ZC3H12B: variants seen among roughly 807,000 people sequenced by gnomAD.
ZC3H12B encodes probable ribonuclease ZC3H12B.
A neutral mutation model predicts 43.9 loss-of-function variants in ZC3H12B; 7 were observed. The ratio of observed to expected loss-of-function variants is 0.16; its 90% CI spans 0.09 to 0.30. The LOEUF (loss-of-function observed/expected upper bound fraction) is 0.30. ZC3H12B is among the 10% of genes least tolerant of loss of function. The pLI is 1.00. For missense variants in ZC3H12B, 475 were observed against 670.2 expected, an observed-to-expected ratio of 0.71 and a Z score of 3.22; for synonymous variants, 222 against 241.7, an observed-to-expected ratio of 0.92 and a Z score of 0.76.
intron 3 of ZC3H12B, chrX:65,468,972 C>T (rs1004710903): frequency 9.1e-6 from 1 of 110,091 alleles, no homozygotes; most frequent in African/African-American, 3.3e-5. Context: ...CCAATACCCC[C>T]TAAGCCAGGT....
chrX:65,393,723 G>T (rs1248686304), intron 2 of ZC3H12B, among the ~76,000 whole-genome samples: 3 of 112,138 alleles, frequency 2.7e-5, no homozygotes, highest in East Asian at 5.6e-4. Flanking sequence ...CCAGTAATGG[G>T]ATTGCTGGGT....
At chrX:65,324,554 A>G in the ZC3H12B span, among the ~76,000 whole-genome samples, 1 of 109,430 alleles carries the variant, frequency 9.1e-6, no homozygotes, top group Non-Finnish European at 1.9e-5. Flanking sequence ...TTTTTTATTG[A>G]CTCCTTGGTT....
chrX:65,322,250 C>T, the ZC3H12B span, among the ~76,000 whole-genome samples: 2 of 111,456 alleles, frequency 1.8e-5, no homozygotes. Flanking sequence ...CAAGAACTCA[C>T]CCACCATCCC....
the ZC3H12B span, among the ~76,000 whole-genome samples, chrX:65,080,692 TAATC>T: frequency 4.5e-5 from 5 of 111,803 alleles, no homozygotes; most frequent in Admixed American, 9.5e-5. Context: ...CTAAGGGATT[TAATC>T]AATAACAGAC....
chrX:65,499,901 T>C (rs1486478998), exon 4 of ZC3H12B: 1 of 1,208,714 alleles, frequency 8.3e-7, no homozygotes, highest in Non-Finnish European at 1.1e-6. Flanking sequence ...CTCCAGATGA[T>C]CCATTAGGAC....
At chrX:65,212,287 A>T in the ZC3H12B span, among the ~76,000 whole-genome samples, 2 of 49,868 alleles carry the variant, frequency 4.0e-5, no homozygotes, top group African/African-American at 8.0e-5. Context: ...ATATAATTAT[A>T]ATATATTATA....
At chrX:65,477,201 T>C (rs917602160) in intron 3 of ZC3H12B, among the ~76,000 whole-genome samples, 1 of 109,167 alleles carries the variant, frequency 9.2e-6, no homozygotes, top group African/African-American at 3.3e-5. Flanking sequence ...AGCAAGGGCA[T>C]GGAAGTCTCT....
chrX:65,157,181 A>G, the ZC3H12B span, among the ~76,000 whole-genome samples: 1 of 110,667 alleles, frequency 9.0e-6, no homozygotes, highest in African/African-American at 3.3e-5. Flanking sequence ...GAGTTTTGCC[A>G]TGTTCCCCAG....
chrX:65,343,015 C>G, the ZC3H12B span, among the ~76,000 whole-genome samples: 1 of 110,598 alleles, frequency 9.0e-6, no homozygotes, highest in Admixed American at 9.6e-5. Flanking sequence ...ATACAAATAA[C>G]CATCAGAGAA....
intron 3 of ZC3H12B, among the ~76,000 whole-genome samples, chrX:65,462,552 T>C (rs1242201967): frequency 1.8e-5 from 2 of 111,885 alleles, no homozygotes; most frequent in African/African-American, 6.5e-5. Context: ...ATCAGATACA[T>C]TAAAAGTAAT....
the ZC3H12B span, among the ~76,000 whole-genome samples, chrX:65,157,577 A>G: frequency 2.7e-5 from 3 of 111,367 alleles, no homozygotes; most frequent in Middle Eastern, 4.6e-3. Context: ...TACTATAGCC[A>G]TTCTCTCTAT....
At chrX:65,108,855 G>A in the ZC3H12B span, among the ~76,000 whole-genome samples, 1 of 111,344 alleles carries the variant, frequency 9.0e-6, no homozygotes, top group African/African-American at 3.3e-5. Context: ...ATGCTACAAT[G>A]TTATAATGGT....
chrX:65,294,691 G>T, the ZC3H12B span, among the ~76,000 whole-genome samples: 1 of 111,693 alleles, frequency 9.0e-6, no homozygotes, highest in South Asian at 3.7e-4. Flanking sequence ...AAAGTGAGCA[G>T]GAGTAGCTAT....
the ZC3H12B span, among the ~76,000 whole-genome samples, chrX:65,221,296 A>G: frequency 8.9e-6 from 1 of 111,784 alleles, no homozygotes. Context: ...TCAAGGAGCT[A>G]GAGAAACAAA....
intron 1 of ZC3H12B, among the ~76,000 whole-genome samples, chrX:65,491,563 C>T (rs1323984889): frequency 2.7e-5 from 3 of 109,163 alleles, no homozygotes; most frequent in African/African-American, 1.0e-4. Context: ...AAAAATTATC[C>T]AGGCATAGTG....
chrX:65,423,124 G>A (rs1478614794), intron 3 of ZC3H12B, among the ~76,000 whole-genome samples: 1 of 108,699 alleles, frequency 9.2e-6, no homozygotes, highest in Non-Finnish European at 1.9e-5. Context: ...GTAGAGATGG[G>A]GTTTCACCTT....
At chrX:65,177,485 A>T in the ZC3H12B span, among the ~76,000 whole-genome samples, 1 of 112,265 alleles carries the variant, frequency 8.9e-6, no homozygotes, top group African/African-American at 3.2e-5. Context: ...GAAGAAGTCA[A>T]ATTGTCTCTG....
At chrX:65,236,236 A>G in the ZC3H12B span, among the ~76,000 whole-genome samples, 1 of 111,832 alleles carries the variant, frequency 8.9e-6, no homozygotes, top group East Asian at 2.8e-4. Flanking sequence ...TTGAAGGTCA[A>G]GTTTCACGAG....
At chrX:65,170,215 G>T in the ZC3H12B span, among the ~76,000 whole-genome samples, 3 of 111,536 alleles carry the variant, frequency 2.7e-5, no homozygotes, top group African/African-American at 9.8e-5. Context: ...ATGAGCTCTT[G>T]TAAGGCAGGC....
Sources: allele counts gnomAD v4.1 joint callset (sites outside exome capture counted in the v4.1 genomes callset), GRCh38; gene constraint gnomAD v4.1.1; transcripts MANE v1.5; gene names NCBI Gene and HGNC (gene_info 2026-07-23, HGNC 2026-07-21).